GRIA1: variants seen among roughly 807,000 people sequenced by gnomAD.
GRIA1 encodes the protein glutamate receptor 1.
In GRIA1, 31 loss-of-function variants were observed where a neutral mutation model predicts 99.2. The ratio of observed to expected loss-of-function variants is 0.31; its 90% confidence interval spans 0.23 to 0.42. The LOEUF (loss-of-function observed/expected upper bound fraction) is 0.42. GRIA1 is among the 10% of genes least tolerant of loss of function. The pLI is 1.00. For synonymous variants in GRIA1, 438 were observed against 432.4 expected (o/e 1.01, Z -0.16); for missense variants, 782 against 1,157.5 (o/e 0.68, Z 4.71).
intron 11 of GRIA1, among the ~76,000 whole-genome samples, chr5:153,740,214 A>G (rs1489920830): frequency 6.6e-6 from 1 of 152,240 alleles, no homozygotes. Context: ...AAAGTTGAAG[A>G]TCTCACCCCT....
chr5:153,569,801 C>T (rs1014301469), intron 2 of GRIA1, among the ~76,000 whole-genome samples: 9 of 152,142 alleles, frequency 5.9e-5, no homozygotes, highest in African/African-American at 2.2e-4. Context: ...TATATTAGCT[C>T]TTACGGACCT....
chr5:153,626,430 CTGTGTGTGTGTGTCTG>C (rs1159786626), intron 2 of GRIA1, among the ~76,000 whole-genome samples: 2 of 132,906 alleles, frequency 1.5e-5, no homozygotes, highest in African/African-American at 2.7e-5. Flanking sequence ...AATCTAGTCT[CTGTGTGTGTGTGTCTG>C]TGTGTGTGTG....
intron 2 of GRIA1, among the ~76,000 whole-genome samples, chr5:153,615,551 G>T (rs1411256927): frequency 6.6e-6 from 1 of 152,210 alleles, no homozygotes; most frequent in Non-Finnish European, 1.5e-5. Context: ...GACTGAGGCA[G>T]GAGGATCACT....
Position 153,782,910 on chromosome 5 carries a change from C to A in GRIA1, c.2271-11711C>A, listed in dbSNP as rs184022319. On this transcript the variant is annotated intron_variant, in intron 13 of 15. Transcript: ENST00000285900. ...CAGGGAATCACTTCCCCAAACAAAA[C>A]CTCTCATGGAATCCCATTATAAATG... Among the ~76,000 whole-genome samples, 155 of 152,310 alleles carry A rather than the reference C, an allele frequency of 1.0e-3. 1 individual carries two copies. The highest frequency in any genetic ancestry group is 3.6e-3 in the African/African-American group (148 of 41,568).
chr5:153,526,776 G>A (rs899159000), intron 2 of GRIA1, among the ~76,000 whole-genome samples: 2 of 152,198 alleles, frequency 1.3e-5, no homozygotes, highest in African/African-American at 4.8e-5. Flanking sequence ...ATGTGCACAG[G>A]GCAGCAAAGC....
In GRIA1 at chr5:153,727,516, A is replaced by C. The variant is rs369045899; in HGVS notation, c.1823+21449A>C. Among the ~76,000 whole-genome samples the C allele has an allele frequency of 1.5e-4, 23 of 151,978 alleles. No homozygotes were observed. The East Asian group carries it at 1.5e-3, about 10-fold the overall frequency. ...TGTCTCAGCCCAAAATCTCCTTAAG[A>C]TGATAAGCAACTTCAGCAAAGTCTC... On this transcript the variant is annotated intron_variant, in intron 11 of 15. Coordinates refer to ENST00000285900, the MANE Select transcript of GRIA1 (RefSeq NM_000827.4).
At chr5:153,537,683 G>T (rs1758710680) in intron 2 of GRIA1, among the ~76,000 whole-genome samples, 1 of 152,178 alleles carries the variant, frequency 6.6e-6, no homozygotes, top group African/African-American at 2.4e-5. Flanking sequence ...GTCTCCAGTG[G>T]CTTCAAGATA....
intron 15 of GRIA1, among the ~76,000 whole-genome samples, chr5:153,810,422 C>T (rs1403841970): frequency 1.3e-5 from 2 of 152,172 alleles, no homozygotes; most frequent in Non-Finnish European, 2.9e-5. Flanking sequence ...AGAATTTTTT[C>T]TGAAGTAAAT....
At chr5:153,646,726 G>C (rs376398972) in intron 2 of GRIA1, among the ~76,000 whole-genome samples, 57 of 152,262 alleles carry the variant, frequency 3.7e-4, no homozygotes, top group African/African-American at 1.2e-3. Context: ...AGTTAGATGG[G>C]TAGGATGGAT....
chr5:153,515,431 C>T (rs1049266075), intron 2 of GRIA1, among the ~76,000 whole-genome samples: 26 of 152,200 alleles, frequency 1.7e-4, no homozygotes, highest in Admixed American at 1.4e-3. Context: ...AAGCATCAAA[C>T]TCGTAGAAGT....
chr5:153,703,136 C>T (rs957126509), intron 10 of GRIA1, among the ~76,000 whole-genome samples: 5 of 152,224 alleles, frequency 3.3e-5, no homozygotes, highest in African/African-American at 1.2e-4. Flanking sequence ...CACCTTCCCT[C>T]TCTAGATATG....
chr5:153,802,840 T>A (rs1766145092), intron 15 of GRIA1, among the ~76,000 whole-genome samples: 1 of 152,176 alleles, frequency 6.6e-6, no homozygotes, highest in African/African-American at 2.4e-5. Context: ...GAAGTGTGGC[T>A]GCAAAAGAGA....
chr5:153,652,979 C>T (rs563837280), intron 4 of GRIA1, among the ~76,000 whole-genome samples: 5 of 152,142 alleles, frequency 3.3e-5, no homozygotes, highest in Admixed American at 3.3e-4. Context: ...AATTTTCCAC[C>T]TAATCTGAGG....
chr5:153,659,461 T>C (rs937507117), intron 5 of GRIA1, among the ~76,000 whole-genome samples: 1 of 152,178 alleles, frequency 6.6e-6, no homozygotes, highest in Non-Finnish European at 1.5e-5. Flanking sequence ...CTCCAAACCC[T>C]AACACTGACT....
At chr5:153,567,213 T>C (rs1761718403) in intron 2 of GRIA1, among the ~76,000 whole-genome samples, 1 of 152,176 alleles carries the variant, frequency 6.6e-6, no homozygotes, top group Admixed American at 6.5e-5. Flanking sequence ...TAGACACTGG[T>C]GATATGTCAG....
At chr5:153,729,479 G>A (rs1760849645) in intron 11 of GRIA1, among the ~76,000 whole-genome samples, 1 of 151,986 alleles carries the variant, frequency 6.6e-6, no homozygotes, top group Non-Finnish European at 1.5e-5. Flanking sequence ...TGAGTCTAAG[G>A]TATTACACAG....
intron 9 of GRIA1, among the ~76,000 whole-genome samples, chr5:153,698,365 G>C (rs574547590): frequency 6.6e-6 from 1 of 152,294 alleles, no homozygotes; most frequent in South Asian, 2.1e-4. Context: ...TTGTACCCTT[G>C]GGTAACTTAC....
At position 153,781,108 on chromosome 5, in the gene GRIA1, A is replaced by G. The variant is rs558479998; in HGVS notation, c.2270+10693A>G. Among the ~76,000 whole-genome samples, 3 of 152,286 alleles carry G rather than the reference A, an allele frequency of 2.0e-5. No homozygotes were observed. In the East Asian group the frequency reaches 5.8e-4, roughly 30 times the overall value. ...TCCCACAGGCTAAGATCATGGCTTA[A>G]CAATCATATCTAATCAGCCTGTTCC... On this transcript the variant is annotated intron_variant, in intron 13 of 15. Coordinates refer to ENST00000285900, the MANE Select transcript of GRIA1 (RefSeq NM_000827.4).
Position 153,646,991 on chromosome 5 carries a change from A to G in GRIA1, c.284A>G (p.Asn95Ser). ...GGGTTTTATGAACGTAGGACTGTCA[A>G]CATGCTGACCTCCTTTTGTGGGGCC... ...IFGFYERRTV[N>S]MLTSFCGALH... The change falls in exon 3 of 16, where the codon AAC becomes AGC. Residue 95 changes from asparagine (N) to serine (S), a missense_variant. Around this residue, in one of 5 missense-constraint regions of GRIA1, gnomAD observed 461 missense variants for 521.7 expected, o/e 0.88. Coordinates refer to ENST00000285900, the MANE Select transcript of GRIA1 (RefSeq NM_000827.4). 6.2e-7 allele frequency: 1 copy of G among 1,613,926 alleles called. No homozygotes were observed. Among genetic ancestry groups the G allele is most frequent in the Non-Finnish European group, 8.5e-7 (1 of 1,179,876 alleles).
Sources: allele counts gnomAD v4.1 joint callset (sites outside exome capture counted in the v4.1 genomes callset), GRCh38; gene constraint gnomAD v4.1.1; regional missense constraint gnomAD v4.1.1; transcripts MANE v1.5; gene names NCBI Gene and HGNC (gene_info 2026-07-23, HGNC 2026-07-21).